Variants in UEVLD observed in about 807,000 individuals in gnomAD.
UEVLD encodes the protein ubiquitin-conjugating enzyme E2 variant 3.
In UEVLD, 47 loss-of-function variants were observed where a neutral mutation model predicts 58.6. The ratio of observed to expected loss-of-function variants is 0.80; its 90% CI spans 0.63 to 1.02. UEVLD has a LOEUF of 1.02. UEVLD is among the 50% of genes least tolerant of loss of function. The pLI is 0.00. For missense variants in UEVLD, 510 were observed against 550.6 expected, an observed-to-expected ratio of 0.93 and a Z score of 0.74; for synonymous variants, 197 against 195.3, an observed-to-expected ratio of 1.01 and a Z score of -0.07.
intron 8 of UEVLD, 35 bp downstream of exon 8, chr11:18,546,845 G>A (rs201246392): frequency 1.2e-6 from 2 of 1,607,272 alleles, no homozygotes; most frequent in Non-Finnish European, 1.7e-6. Context: ...CTGATGTACT[G>A]GACCATCAAC....
chr11:18,558,071 T>G (rs1259726284), intron 7 of UEVLD, among the ~76,000 whole-genome samples, 157 bp downstream of exon 7: 2 of 152,202 alleles, frequency 1.3e-5, no homozygotes, highest in African/African-American at 4.8e-5. Context: ...AATGACTCTT[T>G]GGGTAAGTCA....
At chr11:18,579,386 G>A in intron 1 of UEVLD, 2 of 934,168 alleles carry the variant, frequency 2.1e-6, no homozygotes, top group Non-Finnish European at 2.6e-6. Context: ...TCAAATCCAG[G>A]ACCAGAGTCT....
At chr11:18,557,888 G>C (rs1851827820) in intron 7 of UEVLD, among the ~76,000 whole-genome samples, 1 of 152,162 alleles carries the variant, frequency 6.6e-6, no homozygotes, top group Admixed American at 6.5e-5. Context: ...TCTATCTGTA[G>C]AACTCTAAAG....
chr11:18,574,324 G>C (rs1852788601), intron 3 of UEVLD, among the ~76,000 whole-genome samples: 1 of 152,120 alleles, frequency 6.6e-6, no homozygotes, highest in South Asian at 2.1e-4. Context: ...TTTTAGTAGA[G>C]ATGAGATTTC....
chr11:18,582,054 A>C (rs1853267235), intron 1 of UEVLD, among the ~76,000 whole-genome samples: 1 of 151,514 alleles, frequency 6.6e-6, no homozygotes, highest in African/African-American at 2.4e-5. Context: ...AGTCACCTCA[A>C]CTCCAAACAC....
chr11:18,586,636 T>A (rs1478977436), intron 1 of UEVLD, among the ~76,000 whole-genome samples: 1 of 152,168 alleles, frequency 6.6e-6, no homozygotes, highest in Admixed American at 6.6e-5. Context: ...TTCTCCTGCC[T>A]CAGCCTCTCA....
At chr11:18,534,124 G>T (rs1850690938) in intron 11 of UEVLD, among the ~76,000 whole-genome samples, 1 of 152,102 alleles carries the variant, frequency 6.6e-6, no homozygotes, top group Non-Finnish European at 1.5e-5. Context: ...TTGTAAAGTT[G>T]GGGTCTCACT....
At chr11:18,552,815 T>C (rs1328115708) in intron 7 of UEVLD, among the ~76,000 whole-genome samples, 1 of 150,790 alleles carries the variant, frequency 6.6e-6, no homozygotes, top group Non-Finnish European at 1.5e-5. Context: ...GAGCCAAGAT[T>C]GCACCACCGC....
At chr11:18,555,429 A>G (rs1487200696) in intron 7 of UEVLD, among the ~76,000 whole-genome samples, 2 of 151,712 alleles carry the variant, frequency 1.3e-5, no homozygotes, top group Non-Finnish European at 2.9e-5. Flanking sequence ...GTCTTAAAAA[A>G]AAAAAAAAAT....
chr11:18,558,324 C>T lies in UEVLD; in HGVS notation c.619G>A (p.Ala207Thr), dbSNP rs1392698619. 6.2e-7 allele frequency: 1 copy of T among 1,608,008 alleles called. No homozygotes were observed. The highest frequency in any genetic ancestry group is 8.5e-7 in the Non-Finnish European group (1 of 1,176,432). ...AGGTCTAAGAGGACAAGCCTGTCTG[C>T]AATACCCTGTACAGTAAGAGAAAGA... ...CTLAISAKGI[A>T]DRLVLLDLSE... is the part of the protein sequence containing the mutation. Residue 207 changes from alanine to threonine, a missense_variant, in exon 7 of 12, where the codon GCA becomes ACA. Coordinates refer to ENST00000396197, the MANE Select transcript of UEVLD (RefSeq NM_001040697.4).
At chr11:18,570,765 A>G (rs1852562374) in intron 3 of UEVLD, 1 of 150,118 alleles carries the variant, frequency 6.7e-6, no homozygotes, top group Non-Finnish European at 1.5e-5. Context: ...AAAAAAAAAA[A>G]GAAAAGAAAT....
In UEVLD at chr11:18,547,033, G is replaced by T. The variant is rs576874703; in HGVS notation, c.733C>A (p.His245Asn). The stretch of plus-strand genomic sequence containing the variant: ...ACTGTGAAGATCACCACCTTGGAAT[G>T]AGCAGAGGCAGACAAATCTAGTGAA... ...EISKDLSASAHSKVVIFTVNS... is the reference protein window; with the variant it reads ...EISKDLSASANSKVVIFTVNS... Residue 245 changes from histidine (H) to asparagine (N), a missense_variant, in exon 8 of 12, where the codon CAT becomes AAT. His to Asn is a moderately conservative substitution (Grantham distance 68). Transcript: ENST00000396197. 11 of 1,611,480 alleles carry T rather than the reference G, an allele frequency of 6.8e-6. No individual in the cohort carries two copies. Among genetic ancestry groups the T allele is most frequent in the African/African-American group, 1.3e-5 (1 of 74,714 alleles).
chr11:18,561,448 T>C (rs1349278888), intron 6 of UEVLD, among the ~76,000 whole-genome samples: 1 of 151,290 alleles, frequency 6.6e-6, no homozygotes, highest in Non-Finnish European at 1.5e-5. Flanking sequence ...AGTACAAAAA[T>C]TAACCAGGCA....
chr11:18,571,913 A>G (rs1852638806), intron 3 of UEVLD, among the ~76,000 whole-genome samples: 1 of 151,860 alleles, frequency 6.6e-6, no homozygotes. Context: ...ACTCTAGCCT[A>G]GGCAACAGAG....
intron 4 of UEVLD, among the ~76,000 whole-genome samples, chr11:18,567,745 T>C (rs750844785): frequency 9.9e-5 from 15 of 152,234 alleles, no homozygotes; most frequent in Non-Finnish European, 1.6e-4. Context: ...AGCTCCAAAG[T>C]TCTATAAAAT....
At chr11:18,536,316 G>T in intron 10 of UEVLD, 90 bp downstream of exon 10, 1 of 1,227,692 alleles carries the variant, frequency 8.1e-7, no homozygotes, top group Non-Finnish European at 1.2e-6. Context: ...GTTTCCAGAA[G>T]CCTGGTTAAG....
At chr11:18,583,017 G>A (rs191038681) in intron 1 of UEVLD, among the ~76,000 whole-genome samples, 1 of 151,990 alleles carries the variant, frequency 6.6e-6, no homozygotes, top group Non-Finnish European at 1.5e-5. Flanking sequence ...CCATTTCCCG[G>A]GTTCAAGCAA....
intron 11 of UEVLD, among the ~76,000 whole-genome samples, chr11:18,533,808 C>T (rs1289925088): frequency 6.6e-6 from 1 of 152,164 alleles, no homozygotes; most frequent in Non-Finnish European, 1.5e-5. Flanking sequence ...ACATACGCCA[C>T]TATGTCTGGC....
At chr11:18,574,209 T>A (rs1852783079) in intron 3 of UEVLD, among the ~76,000 whole-genome samples, 1 of 152,232 alleles carries the variant, frequency 6.6e-6, no homozygotes, top group Non-Finnish European at 1.5e-5. Flanking sequence ...TGGCACAATC[T>A]CGGCTCACTG....
Sources: allele counts gnomAD v4.1 joint callset (sites outside exome capture counted in the v4.1 genomes callset), GRCh38; gene constraint gnomAD v4.1.1; transcripts MANE v1.5; gene names NCBI Gene and HGNC (gene_info 2026-07-23, HGNC 2026-07-21).